SGPP2: variants seen among roughly 807,000 people sequenced by gnomAD.
The protein encoded by SGPP2 is sphingosine 1-phosphate phosphohydrolase 2.
Under a neutral mutation model 33.9 loss-of-function variants are expected in SGPP2, and 30 were observed. That is an observed-to-expected ratio of 0.89 (90% CI 0.66 to 1.20). The LOEUF is 1.20. SGPP2 is among the 50% of genes most tolerant of loss of function. SGPP2 has a pLI of 0.00. For missense variants in SGPP2, 458 were observed against 532.1 expected, an observed-to-expected ratio of 0.86 and a Z score of 1.37; for synonymous variants, 233 against 225.0, an observed-to-expected ratio of 1.04 and a Z score of -0.32.
At chr2:222,440,480 C>A (rs1411700585) in intron 1 of SGPP2, among the ~76,000 whole-genome samples, 11 of 151,472 alleles carry the variant, frequency 7.3e-5, no homozygotes, top group Non-Finnish European at 2.9e-5. Context: ...GTAGCTGGGA[C>A]TCCAGGCGCC....
rs1416974295 is a variant in SGPP2 at position 222,560,061 on chromosome 2, A to G, written c.*1163A>G. On this transcript the variant is annotated 3_prime_UTR_variant, in exon 5 of 5. Coordinates refer to ENST00000321276, the MANE Select transcript of SGPP2 (RefSeq NM_152386.4). Reference sequence around the variant, plus strand: ...GCACAGGTGGATACATCTGGGATTCACTGAGATTCCTGCCCTCTCCTGCTT... The same window carrying G: ...GCACAGGTGGATACATCTGGGATTCGCTGAGATTCCTGCCCTCTCCTGCTT... 1 of 152,340 alleles carries G rather than the reference A, an allele frequency of 6.6e-6. No homozygotes were observed. The highest frequency in any genetic ancestry group is 2.4e-5 in the African/African-American group (1 of 41,462). 9.4% of individuals were successfully genotyped at this position (152,340 alleles called of 1,614,324 possible).
rs368985614 is a variant in SGPP2, at chr2:222,459,250, G to T, written c.220-15318G>T. Among the ~76,000 whole-genome samples the T allele has an allele frequency of 1.7e-3, 251 of 145,752 alleles. 2 individuals are homozygous for T. The Middle Eastern group carries it at 0.02, about 11-fold the overall frequency. ...CAGCCTACGCATCCCAGGCTTAAGT[G>T]ATCCTCCCACCCCAACCTCCCAAGT... On this transcript the variant is annotated intron_variant, in intron 1 of 4. Transcript: ENST00000321276.
chr2:222,478,220 C>T (rs1034362668), intron 2 of SGPP2, among the ~76,000 whole-genome samples: 2 of 146,892 alleles, frequency 1.4e-5, no homozygotes, highest in African/African-American at 2.5e-5. Flanking sequence ...GAGGGAGGTG[C>T]GGGTGTGCTT....
At chr2:222,473,924 C>CAAA (rs59649395) in intron 1 of SGPP2, among the ~76,000 whole-genome samples, 11 of 127,458 alleles carry the variant, frequency 8.6e-5, no homozygotes, top group East Asian at 4.8e-4. Flanking sequence ...AACTCTGTCT[C>CAAA]AAAAAAAAAA....
In SGPP2 at chr2:222,477,289, G is replaced by T. The variant is rs1037737847; in HGVS notation, c.378+2563G>T. 1.3e-5 allele frequency among the ~76,000 whole-genome samples: 2 copies of T among 151,024 alleles called. No individual in the cohort carries two copies. Among genetic ancestry groups the T allele is most frequent in the African/African-American group, 4.9e-5 (2 of 40,968 alleles). On this transcript the variant is annotated intron_variant, in intron 2 of 4. Transcript: ENST00000321276. The surrounding 1 kb of genome is among the most constrained non-coding windows in gnomAD (Gnocchi z 6.0). Reference sequence around the variant, plus strand: ...GGTGTATATGTATGTGTGTATGGGTGTGTATATGTGTGTATATAGGTGTGA... The same window carrying T: ...GGTGTATATGTATGTGTGTATGGGTTTGTATATGTGTGTATATAGGTGTGA...
chr2:222,545,190 G>A (rs1200834737), intron 4 of SGPP2, among the ~76,000 whole-genome samples: 2 of 151,526 alleles, frequency 1.3e-5, no homozygotes, highest in Non-Finnish European at 1.5e-5. Flanking sequence ...TTCTTTCTTC[G>A]CTCCGTGTCT....
chr2:222,424,281 G>A (rs1268203445), upstream of SGPP2, among the ~76,000 whole-genome samples: 1 of 147,026 alleles, frequency 6.8e-6, no homozygotes, highest in Non-Finnish European at 1.5e-5. Flanking sequence ...GTGGGGGGTT[G>A]GGGGCGCCGG....
intron 1 of SGPP2, among the ~76,000 whole-genome samples, chr2:222,448,571 C>T (rs1470512657): frequency 1.3e-5 from 2 of 152,222 alleles, no homozygotes; most frequent in Non-Finnish European, 2.9e-5. Flanking sequence ...ATAATGGGAG[C>T]ACAGGAAATG....
At chr2:222,504,163 C>G (rs1559163323) in intron 2 of SGPP2, 1 of 152,168 alleles carries the variant, frequency 6.6e-6, no homozygotes, top group Non-Finnish European at 1.5e-5. Context: ...CTTTCCACAC[C>G]AGCGGTGGGG....
rs1184724954 is a variant in SGPP2 at position 222,559,084 on chromosome 2, C to T, written c.*186C>T. 16 of 572,418 alleles carry T rather than the reference C, an allele frequency of 2.8e-5. No homozygotes were observed. In the East Asian group the frequency reaches 3.4e-4, roughly 12 times the overall value. The allele number at this position is 572,418 out of a possible 1,614,324, so 35.5% of individuals were successfully genotyped here. ...GAACTGTCTCATAGCGGTCATTGGT[C>T]GTCCGTGGTGGTTGGTTGTGCTACA... On this transcript the variant is annotated 3_prime_UTR_variant, in exon 5 of 5. Coordinates refer to ENST00000321276, the MANE Select transcript of SGPP2 (RefSeq NM_152386.4).
At chr2:222,516,449 G>A (rs564390552) in intron 2 of SGPP2, among the ~76,000 whole-genome samples, 1 of 152,162 alleles carries the variant, frequency 6.6e-6, no homozygotes, top group South Asian at 2.1e-4. Context: ...GTTGTTTCCA[G>A]TTTGGGGCTA....
At chr2:222,534,810 C>T (rs1698889453) in intron 4 of SGPP2, among the ~76,000 whole-genome samples, 1 of 152,054 alleles carries the variant, frequency 6.6e-6, no homozygotes, top group African/African-American at 2.4e-5. Context: ...TATTTTTACC[C>T]TTTTGTAAAA....
intron 2 of SGPP2, among the ~76,000 whole-genome samples, chr2:222,500,922 G>C (rs1475447210): frequency 6.6e-6 from 1 of 152,218 alleles, no homozygotes; most frequent in Non-Finnish European, 1.5e-5. Context: ...TGAGGAAATA[G>C]AACCAGCAAT....
At chr2:222,469,877 A>G (rs762685702) in intron 1 of SGPP2, among the ~76,000 whole-genome samples, 13 of 152,268 alleles carry the variant, frequency 8.5e-5, no homozygotes, top group East Asian at 1.9e-4. Context: ...ATGCCCATCA[A>G]TGATAGACTG....
intron 2 of SGPP2, among the ~76,000 whole-genome samples, chr2:222,487,390 A>G (rs948427528): frequency 6.6e-6 from 1 of 152,206 alleles, no homozygotes; most frequent in Non-Finnish European, 1.5e-5. Context: ...TAACTAACAA[A>G]TTGACATTTC....
At chr2:222,443,029 TA>T (rs1697349601) in intron 1 of SGPP2, among the ~76,000 whole-genome samples, 1 of 152,178 alleles carries the variant, frequency 6.6e-6, no homozygotes, top group Non-Finnish European at 1.5e-5. Flanking sequence ...GTGACCTTTA[TA>T]AAATACCCAC....
At chr2:222,433,857 T>C (rs1697195719) in intron 1 of SGPP2, among the ~76,000 whole-genome samples, 1 of 152,248 alleles carries the variant, frequency 6.6e-6, no homozygotes, top group Non-Finnish European at 1.5e-5. Flanking sequence ...AGTTTAAAAA[T>C]GTATTTCAAT....
chr2:222,458,860 A>G (rs1697612839), intron 1 of SGPP2, among the ~76,000 whole-genome samples: 1 of 152,172 alleles, frequency 6.6e-6, no homozygotes, highest in African/African-American at 2.4e-5. Flanking sequence ...TTCCTCACTG[A>G]GGGCTTTCGT....
chr2:222,498,862 T>A (rs1698323502), intron 2 of SGPP2, among the ~76,000 whole-genome samples: 1 of 152,188 alleles, frequency 6.6e-6, no homozygotes, highest in Admixed American at 6.5e-5. Context: ...AATTTACTTA[T>A]AACTCCTATT....
Sources: allele counts gnomAD v4.1 joint callset (sites outside exome capture counted in the v4.1 genomes callset), GRCh38; gene constraint gnomAD v4.1.1; non-coding constraint Gnocchi (gnomAD v3.1); transcripts MANE v1.5; gene names NCBI Gene and HGNC (gene_info 2026-07-23, HGNC 2026-07-21).